Variants in ICA1 observed in about 807,000 individuals in gnomAD.
The protein encoded by ICA1 is 69 kDa islet cell autoantigen.
A neutral mutation model predicts 71.0 loss-of-function variants in ICA1; 40 were observed. The ratio of observed to expected loss-of-function variants is 0.56; its 90% CI spans 0.44 to 0.73. The LOEUF (loss-of-function observed/expected upper bound fraction) is 0.73, where lower values mean the gene tolerates loss of function less well. Ranked by LOEUF, ICA1 falls within the 30% of genes least tolerant of loss-of-function variation. The pLI, the probability that ICA1 is intolerant of heterozygous loss-of-function variation, is 0.00. For missense variants in ICA1, 578 were observed against 576.5 expected, an observed-to-expected ratio of 1.00 and a Z score of -0.03; for synonymous variants, 207 against 209.5, an observed-to-expected ratio of 0.99 and a Z score of 0.10.
chr7:8,147,975 G>A (rs1797611351), intron 8 of ICA1, among the ~76,000 whole-genome samples: 1 of 152,038 alleles, frequency 6.6e-6, no homozygotes, highest in Non-Finnish European at 1.5e-5. Flanking sequence ...CAAGTCAGGT[G>A]AATGTGCGAT....
intron 6 of ICA1, among the ~76,000 whole-genome samples, chr7:8,203,725 T>G (rs1790522446): frequency 6.6e-6 from 1 of 152,184 alleles, no homozygotes; most frequent in Non-Finnish European, 1.5e-5. Context: ...GCCTGTTAAT[T>G]TTCTGTGCCT....
At chr7:8,201,696 G>T (rs915745038) in intron 6 of ICA1, among the ~76,000 whole-genome samples, 2 of 152,200 alleles carry the variant, frequency 1.3e-5, no homozygotes, top group African/African-American at 4.8e-5. Context: ...AAGAAATTCA[G>T]AAGATCTTCT....
rs112876386 is a variant in ICA1 at position 8,136,275 on chromosome 7, C to A, written c.1060+2565G>T. On this transcript the variant is annotated intron_variant, in intron 12 of 13. Transcript: ENST00000402384. ...AACAGAATTACCACAGGGAGTGAACCGGCCCCCAAGCAGCAGGGTGCTAGA... is the reference window on the plus strand; with the variant it reads ...AACAGAATTACCACAGGGAGTGAACAGGCCCCCAAGCAGCAGGGTGCTAGA... 7.2e-3 allele frequency among the ~76,000 whole-genome samples: 1,102 copies of A among 152,166 alleles called. 25 individuals carry two copies. Among genetic ancestry groups the A allele is most frequent in the African/African-American group, 0.026 (1,060 of 41,498 alleles).
chr7:8,218,271 T>C (rs747021083), intron 6 of ICA1, 34 bp downstream of exon 6: 11 of 1,578,468 alleles, frequency 7.0e-6, no homozygotes, highest in Middle Eastern at 3.4e-4. Context: ...TTCCAGCAGG[T>C]ACCCCTTCTG....
chr7:8,247,044 C>A (rs1483114260), intron 1 of ICA1, among the ~76,000 whole-genome samples: 1 of 152,120 alleles, frequency 6.6e-6, no homozygotes, highest in Admixed American at 6.5e-5. Context: ...CCATGCCTGG[C>A]CTTTCCTTTT....
At chr7:8,124,039 C>T (rs193246353) in intron 13 of ICA1, among the ~76,000 whole-genome samples, 113 of 151,696 alleles carry the variant, frequency 7.4e-4, no homozygotes, top group Middle Eastern at 3.5e-3. Context: ...GTTCCTGGCA[C>T]GTAGCACGTG....
intron 13 of ICA1, among the ~76,000 whole-genome samples, chr7:8,122,841 C>T (rs1787548381): frequency 6.6e-6 from 1 of 152,230 alleles, no homozygotes. Flanking sequence ...AACAAGATTC[C>T]TAACTTCGGT....
rs554381036 is a variant in ICA1, at chr7:8,130,647, G to A, written c.1061-2505C>T. ...ATTTCAAATGCACCTTGGAAATGAC[G>A]TATGTTCCTTCTACAGTCGCTTTAT... On this transcript the variant is annotated intron_variant, in intron 12 of 13. Transcript: ENST00000402384. This position sits in a 1 kb window ranked among gnomAD's most constrained non-coding sequence, Gnocchi z 4.2. Among the ~76,000 whole-genome samples, 9 of 152,288 alleles carry A rather than the reference G, an allele frequency of 5.9e-5. No individual in the cohort carries two copies. The South Asian group carries it at 1.2e-3, about 21-fold the overall frequency.
At chr7:8,150,137 C>T (rs1051812656) in intron 8 of ICA1, among the ~76,000 whole-genome samples, 1 of 152,100 alleles carries the variant, frequency 6.6e-6, no homozygotes, top group Non-Finnish European at 1.5e-5. Context: ...AATGACAAGG[C>T]ACCATACTGT....
At chr7:8,217,025 G>A (rs570345642) in intron 6 of ICA1, among the ~76,000 whole-genome samples, 1 of 152,320 alleles carries the variant, frequency 6.6e-6, no homozygotes, top group Admixed American at 6.5e-5. Flanking sequence ...AACTTCAAAA[G>A]TAGCCTGGGC....
intron 8 of ICA1, among the ~76,000 whole-genome samples, chr7:8,156,275 G>A (rs1029112103): frequency 6.6e-6 from 1 of 152,174 alleles, no homozygotes; most frequent in African/African-American, 2.4e-5. Flanking sequence ...ATGTTTTAAC[G>A]TCTTGTCAAG....
At chr7:8,220,925 T>C (rs1248744856) in intron 5 of ICA1, among the ~76,000 whole-genome samples, 1 of 152,120 alleles carries the variant, frequency 6.6e-6, no homozygotes. Context: ...ATTAGGCTCC[T>C]GCTTTAATCA....
intron 6 of ICA1, among the ~76,000 whole-genome samples, chr7:8,193,605 T>C (rs1370346698): frequency 6.6e-6 from 1 of 152,128 alleles, no homozygotes; most frequent in East Asian, 1.9e-4. Flanking sequence ...AGTAAGAAAA[T>C]GGTGGTGGCA....
chr7:8,246,832 T>C (rs1020170635), intron 1 of ICA1, among the ~76,000 whole-genome samples: 7 of 152,294 alleles, frequency 4.6e-5, no homozygotes, highest in African/African-American at 1.4e-4. Flanking sequence ...CCACAACCTC[T>C]GCCTCCTGGG....
intron 9 of ICA1, 167 bp from the exon 10 acceptor site, chr7:8,141,984 C>T: frequency 6.7e-7 from 1 of 1,503,160 alleles, no homozygotes; most frequent in Non-Finnish European, 9.0e-7. Flanking sequence ...AATTTGCTGG[C>T]CTTCTTTCCC....
At chr7:8,126,423 A>C (rs1165978370) in intron 13 of ICA1, among the ~76,000 whole-genome samples, 1 of 152,168 alleles carries the variant, frequency 6.6e-6, no homozygotes, top group African/African-American at 2.4e-5. Flanking sequence ...CAGGGTGGAG[A>C]AACATTTTTG....
intron 1 of ICA1, among the ~76,000 whole-genome samples, chr7:8,246,195 C>T (rs1805937076): frequency 6.6e-6 from 1 of 152,158 alleles, no homozygotes; most frequent in Non-Finnish European, 1.5e-5. Flanking sequence ...TGCTGATGGA[C>T]TGTGAGCGCC....
At chr7:8,124,942 C>T (rs1031746629) in intron 13 of ICA1, among the ~76,000 whole-genome samples, 18 of 152,076 alleles carry the variant, frequency 1.2e-4, no homozygotes, top group Non-Finnish European at 2.5e-4. Context: ...GTGCACACCA[C>T]CACACCCAGC....
At chr7:8,181,000 A>C (rs957896102) in intron 6 of ICA1, among the ~76,000 whole-genome samples, 5 of 152,002 alleles carry the variant, frequency 3.3e-5, no homozygotes, top group African/African-American at 4.8e-5. Flanking sequence ...AACATAATTT[A>C]TTATTTTCTT....
Sources: allele counts gnomAD v4.1 joint callset (sites outside exome capture counted in the v4.1 genomes callset), GRCh38; gene constraint gnomAD v4.1.1; non-coding constraint Gnocchi (gnomAD v3.1); transcripts MANE v1.5; gene names NCBI Gene and HGNC (gene_info 2026-07-23, HGNC 2026-07-21).